SNX24: variants seen among roughly 807,000 people sequenced by gnomAD.
The protein encoded by SNX24 is sorting nexin-24.
Under a neutral mutation model 28.7 loss-of-function variants are expected in SNX24, and 22 were observed. That is an observed-to-expected ratio of 0.77 (90% CI 0.55 to 1.10). The LOEUF (loss-of-function observed/expected upper bound fraction) is 1.10. SNX24 is among the 50% of genes least tolerant of loss of function. The pLI is 0.00. For missense variants in SNX24, 221 were observed against 201.1 expected, an observed-to-expected ratio of 1.10 and a Z score of -0.60; for synonymous variants, 69 against 71.5, an observed-to-expected ratio of 0.96 and a Z score of 0.18.
intron 1 of SNX24, among the ~76,000 whole-genome samples, chr5:122,904,918 C>G (rs1581728484): frequency 1.3e-5 from 2 of 152,264 alleles, no homozygotes; most frequent in South Asian, 4.1e-4. Flanking sequence ...GCGGCCGTCT[C>G]GTATTTCCCC....
intron 2 of SNX24, 34 bp downstream of exon 2, chr5:122,936,851 A>T (rs1036726755): frequency 7.5e-7 from 1 of 1,329,450 alleles, no homozygotes; most frequent in Non-Finnish European, 1.1e-6. Context: ...TCTTTTCTCT[A>T]TGTGGCAGAT....
chr5:122,894,245 A>G (rs182728168), intron 1 of SNX24, among the ~76,000 whole-genome samples: 3 of 152,260 alleles, frequency 2.0e-5, no homozygotes, highest in Admixed American at 2.0e-4. Context: ...CCATGTCTGT[A>G]GGTAATCATT....
chr5:122,881,329 A>G (rs1368204613), intron 1 of SNX24, among the ~76,000 whole-genome samples: 13 of 152,342 alleles, frequency 8.5e-5, no homozygotes, highest in African/African-American at 2.4e-4. Flanking sequence ...TACTTACTCA[A>G]CTTTCAGAAG....
At chr5:122,874,778 A>G (rs1756150938) in intron 1 of SNX24, among the ~76,000 whole-genome samples, 1 of 152,202 alleles carries the variant, frequency 6.6e-6, no homozygotes, top group African/African-American at 2.4e-5. Flanking sequence ...CCCTGGCCCT[A>G]CCACGGGCTA....
chr5:122,874,914 G>T (rs1278460512), intron 1 of SNX24, among the ~76,000 whole-genome samples: 3 of 152,210 alleles, frequency 2.0e-5, no homozygotes, highest in African/African-American at 7.2e-5. Context: ...TAGATGCCAA[G>T]CCCTTAACAC....
chr5:122,858,010 T>A (rs1234716052), intron 1 of SNX24, among the ~76,000 whole-genome samples: 1 of 152,168 alleles, frequency 6.6e-6, no homozygotes, highest in East Asian at 1.9e-4. Flanking sequence ...CTCGAACTCC[T>A]GACCTCATGA....
At chr5:122,963,652 T>C (rs920055275) in intron 3 of SNX24, among the ~76,000 whole-genome samples, 2 of 152,188 alleles carry the variant, frequency 1.3e-5, no homozygotes, top group African/African-American at 2.4e-5. Context: ...TTATCAGATT[T>C]GTGTGTGATG....
At chr5:122,884,179 C>G (rs1756596010) in intron 1 of SNX24, among the ~76,000 whole-genome samples, 1 of 150,726 alleles carries the variant, frequency 6.6e-6, no homozygotes, top group Admixed American at 6.6e-5. Flanking sequence ...ATCAGTTAGT[C>G]TGATTTGAAT....
intron 1 of SNX24, among the ~76,000 whole-genome samples, chr5:122,891,479 T>C (rs1330163663): frequency 6.6e-6 from 1 of 152,242 alleles, no homozygotes; most frequent in African/African-American, 2.4e-5. Flanking sequence ...AGTTTTATTT[T>C]CTTTTATTGA....
At chr5:122,847,641 A>G (rs2150027081) in intron 1 of SNX24, among the ~76,000 whole-genome samples, 1 of 152,044 alleles carries the variant, frequency 6.6e-6, no homozygotes, top group Middle Eastern at 3.4e-3. Context: ...CTACAGGCAC[A>G]TGGCACCACT....
chr5:122,881,426 G>C (rs1458380923), intron 1 of SNX24, among the ~76,000 whole-genome samples: 1 of 152,178 alleles, frequency 6.6e-6, no homozygotes, highest in Non-Finnish European at 1.5e-5. Flanking sequence ...AGCAGCATTG[G>C]TGAGAGTGTG....
At chr5:123,025,831 A>C (rs1304529856) in intron 5 of SNX24, 1 of 1,614,064 alleles carries the variant, frequency 6.2e-7, no homozygotes, top group Non-Finnish European at 8.5e-7. Context: ...CCGTCCAACC[A>C]GGTGGGCTTG....
intron 5 of SNX24, among the ~76,000 whole-genome samples, chr5:123,017,268 T>C (rs1382463552): frequency 1.3e-5 from 2 of 152,098 alleles, no homozygotes; most frequent in Non-Finnish European, 2.9e-5. Context: ...CCTAAGACTC[T>C]AGGGAGGGTG....
At chr5:123,020,979 G>A (rs1024539075) in intron 5 of SNX24, among the ~76,000 whole-genome samples, 2 of 151,946 alleles carry the variant, frequency 1.3e-5, no homozygotes, top group Non-Finnish European at 1.5e-5. Context: ...TGGCCAACAG[G>A]ACAGCCCTGC....
At chr5:122,976,825 C>G (rs1429680604) in intron 3 of SNX24, among the ~76,000 whole-genome samples, 1 of 152,226 alleles carries the variant, frequency 6.6e-6, no homozygotes, top group Non-Finnish European at 1.5e-5. Context: ...AAATCAATTG[C>G]AATTCATATT....
At chr5:122,958,716 T>G (rs1190349760) in intron 3 of SNX24, among the ~76,000 whole-genome samples, 2 of 60,404 alleles carry the variant, frequency 3.3e-5, no homozygotes, top group African/African-American at 2.4e-4. Flanking sequence ...TATTTTTTAA[T>G]TTTTAAATTT....
At chr5:122,931,752 T>C (rs549063745) in intron 1 of SNX24, among the ~76,000 whole-genome samples, 1 of 152,244 alleles carries the variant, frequency 6.6e-6, no homozygotes, top group East Asian at 1.9e-4. Flanking sequence ...TATTTGTATA[T>C]AGAACCCCCG....
At chr5:122,935,222 A>T (rs1554074046) in intron 1 of SNX24, among the ~76,000 whole-genome samples, 1 of 152,174 alleles carries the variant, frequency 6.6e-6, no homozygotes, top group Non-Finnish European at 1.5e-5. Context: ...GACTGATAGT[A>T]AAAAAGGGGC....
chr5:122,860,677 A>G (rs1755419930), intron 1 of SNX24, among the ~76,000 whole-genome samples: 1 of 152,126 alleles, frequency 6.6e-6, no homozygotes, highest in African/African-American at 2.4e-5. Context: ...GCTCACTGCA[A>G]GCTCTGCCTC....
Sources: gnomAD v4.1 joint callset for allele counts (sites outside exome capture counted in the v4.1 genomes callset) on GRCh38, gnomAD v4.1.1 for gene constraint, MANE v1.5 for transcripts, NCBI Gene and HGNC (gene_info 2026-07-23, HGNC 2026-07-21) for gene names.